ATRNL1: variants seen among roughly 807,000 people sequenced by gnomAD.
ATRNL1 encodes the protein attractin-like protein 1.
A neutral mutation model predicts 182.7 loss-of-function variants in ATRNL1; 95 were observed. The observed-to-expected ratio is 0.52, with a 90% CI of 0.44 to 0.62. The LOEUF (loss-of-function observed/expected upper bound fraction) is 0.62, where lower values mean the gene tolerates loss of function less well. Among genes scored for constraint, ATRNL1 ranks in the 20% least tolerant of loss-of-function variants. The pLI is 0.00. For missense variants in ATRNL1, 1,471 were observed against 1,679.5 expected, an observed-to-expected ratio of 0.88 and a Z score of 2.17; for synonymous variants, 576 against 568.3, an observed-to-expected ratio of 1.01 and a Z score of -0.19.
At chr10:115,374,099 T>A (rs1857532406) in intron 19 of ATRNL1, among the ~76,000 whole-genome samples, 1 of 151,624 alleles carries the variant, frequency 6.6e-6, no homozygotes, top group Non-Finnish European at 1.5e-5. Flanking sequence ...TTTTGGTAGA[T>A]TGTATGTTTC....
intron 27 of ATRNL1, among the ~76,000 whole-genome samples, chr10:115,803,426 A>T (rs1381673211): frequency 2.0e-5 from 3 of 152,180 alleles, no homozygotes; most frequent in Admixed American, 6.5e-5. Flanking sequence ...TAAATAGACT[A>T]CATTTATGAT....
intron 28 of ATRNL1, among the ~76,000 whole-genome samples, chr10:115,874,743 G>C (rs527812859): frequency 6.6e-6 from 1 of 152,310 alleles, no homozygotes; most frequent in African/African-American, 2.4e-5. Context: ...CACAGTCTAA[G>C]TGGAGAGTCA....
At chr10:115,276,637 A>G (rs1253882224) in intron 13 of ATRNL1, among the ~76,000 whole-genome samples, 1 of 152,218 alleles carries the variant, frequency 6.6e-6, no homozygotes, top group African/African-American at 2.4e-5. Context: ...GATTATGTAC[A>G]TTGATATCCT....
At chr10:115,213,145 CTTG>C (rs746878444) in intron 8 of ATRNL1, among the ~76,000 whole-genome samples, 5 of 152,160 alleles carry the variant, frequency 3.3e-5, no homozygotes, top group South Asian at 2.1e-4. Context: ...CGTGATTTTT[CTTG>C]TTGTCGGTAT....
chr10:115,809,602 A>G lies in ATRNL1; in HGVS notation c.3904-38275A>G, dbSNP rs369001155. ...TTTTGATTTCCAATTGTTTGTTACC[A>G]TTGAATACTGAAATGCAATTAATTT... On this transcript the variant is annotated intron_variant, in intron 27 of 28. Transcript: ENST00000355044. 3.3e-5 allele frequency among the ~76,000 whole-genome samples: 5 copies of G among 152,088 alleles called. No individual in the cohort carries two copies. In the East Asian group the frequency reaches 9.6e-4, roughly 29 times the overall value.
At chr10:115,258,578 G>T (rs1851259270) in intron 10 of ATRNL1, among the ~76,000 whole-genome samples, 1 of 151,948 alleles carries the variant, frequency 6.6e-6, no homozygotes. Flanking sequence ...TTAGCTCAGA[G>T]AATTTTGTTA....
At position 115,727,262 on chromosome 10, in the gene ATRNL1, A is replaced by G. The variant is rs782259268; in HGVS notation, c.3810A>G (p.Glu1270=). 1.9e-6 allele frequency: 3 copies of G among 1,613,974 alleles called. No individual in the cohort carries two copies. The highest frequency in any genetic ancestry group is 2.5e-6 in the Non-Finnish European group (3 of 1,179,854). ...ACCCCCTCCAGCAACTGCTTCGAGA[A>G]CGACAGCAGATGGCCAGCCGTCCCT... ...ASRRREQLLR[E]RQQMASRPFA... The change falls in exon 27 of 29, where the codon GAA becomes GAG. Residue 1270 remains glutamate, a synonymous_variant. Coordinates refer to ENST00000355044, the MANE Select transcript of ATRNL1 (RefSeq NM_207303.4).
At chr10:115,885,274 G>C (rs1361804545) in intron 28 of ATRNL1, among the ~76,000 whole-genome samples, 1 of 152,172 alleles carries the variant, frequency 6.6e-6, no homozygotes, top group East Asian at 1.9e-4. Context: ...AGCATGTCAA[G>C]AATTGATAAT....
intron 21 of ATRNL1, among the ~76,000 whole-genome samples, chr10:115,450,285 A>C (rs1554967395): frequency 6.6e-6 from 1 of 152,206 alleles, no homozygotes. Flanking sequence ...TAGCCAGAGC[A>C]ATCAGGCAAG....
At chr10:115,101,142 G>A (rs1483140857) in intron 1 of ATRNL1, among the ~76,000 whole-genome samples, 1 of 151,982 alleles carries the variant, frequency 6.6e-6, no homozygotes, top group African/African-American at 2.4e-5. Context: ...TTTCTACTTA[G>A]ATGATTATAT....
intron 1 of ATRNL1, among the ~76,000 whole-genome samples, chr10:115,114,765 A>G (rs542352125): frequency 1.3e-5 from 2 of 152,140 alleles, no homozygotes; most frequent in African/African-American, 4.8e-5. Flanking sequence ...TATGGCAAAA[A>G]GGGAAGTTTT....
chr10:115,556,626 T>C (rs1196838556), intron 26 of ATRNL1, among the ~76,000 whole-genome samples: 3 of 152,176 alleles, frequency 2.0e-5, no homozygotes, highest in African/African-American at 7.2e-5. Context: ...GAACCTTCTT[T>C]ATAAGGTGTT....
chr10:115,116,827 C>A lies in ATRNL1; in HGVS notation c.294-3358C>A, dbSNP rs555220964. Among the ~76,000 whole-genome samples the A allele has an allele frequency of 3.9e-5, 6 of 152,100 alleles. No homozygotes were observed. In the South Asian group the frequency reaches 8.3e-4, roughly 21 times the overall value. On this transcript the variant is annotated intron_variant, in intron 1 of 28. Transcript: ENST00000355044. Reference sequence around the variant, plus strand: ...GGAAAAGGTGGGCTCTTGGTAAGATCTTTAGTGCTAAGGATAAGGAATTCA... The same window carrying A: ...GGAAAAGGTGGGCTCTTGGTAAGATATTTAGTGCTAAGGATAAGGAATTCA...
rs116572079 is a variant in ATRNL1, at chr10:115,620,101, G to A, written c.3795+70565G>A. On this transcript the variant is annotated intron_variant, in intron 26 of 28. Transcript: ENST00000355044. ...GCTCACAGTTCTGCAGTCTGTAGACGTGTGACACTAGCATCTGCTTCTGGT... is the reference window on the plus strand; with the variant it reads ...GCTCACAGTTCTGCAGTCTGTAGACATGTGACACTAGCATCTGCTTCTGGT... Among the ~76,000 whole-genome samples, 403 of 152,304 alleles carry A rather than the reference G, an allele frequency of 2.6e-3. 1 individual carries two copies. The highest frequency in any genetic ancestry group is 9.0e-3 in the African/African-American group (375 of 41,558).
At chr10:115,340,466 C>CTTT (rs1855695099) in intron 19 of ATRNL1, among the ~76,000 whole-genome samples, 1 of 97,740 alleles carries the variant, frequency 1.0e-5, no homozygotes, top group African/African-American at 4.1e-5. Flanking sequence ...TTTTTCTTTT[C>CTTT]TTTTCTTTTC....
chr10:115,581,026 C>G (rs1244025185), intron 26 of ATRNL1, among the ~76,000 whole-genome samples: 1 of 152,068 alleles, frequency 6.6e-6, no homozygotes, highest in Admixed American at 6.6e-5. Context: ...CTTTATTTCA[C>G]TAAGGCTGGT....
intron 13 of ATRNL1, among the ~76,000 whole-genome samples, chr10:115,271,165 T>TAC (rs59638255): frequency 0.23 from 33,108 of 145,818 alleles, 3,762 homozygotes; most frequent in East Asian, 0.29. Flanking sequence ...ACAAAGATAT[T>TAC]ACACACACAC....
chr10:115,828,069 G>A (rs983862245), intron 27 of ATRNL1, among the ~76,000 whole-genome samples: 1 of 152,158 alleles, frequency 6.6e-6, no homozygotes, highest in Admixed American at 6.5e-5. Flanking sequence ...TGTAATCCCA[G>A]CACTTTGGGA....
At chr10:115,918,187 G>A (rs112980956) in intron 28 of ATRNL1, among the ~76,000 whole-genome samples, 1,813 of 137,660 alleles carry the variant, frequency 0.013, 9 homozygotes, top group African/African-American at 0.017. Context: ...CGCAACCTCC[G>A]CCTCCCAGGT....
Sources: gnomAD v4.1 joint callset for allele counts (sites outside exome capture counted in the v4.1 genomes callset) on GRCh38, gnomAD v4.1.1 for gene constraint, MANE v1.5 for transcripts, NCBI Gene and HGNC (gene_info 2026-07-23, HGNC 2026-07-21) for gene names.